CCDC146: variants seen among roughly 807,000 people sequenced by gnomAD.
CCDC146 encodes the protein coiled-coil domain containing 146.
In CCDC146, 92 loss-of-function variants were observed where a neutral mutation model predicts 119.3. That is an observed-to-expected ratio of 0.77 (90% confidence interval 0.65 to 0.92). The LOEUF (loss-of-function observed/expected upper bound fraction) is 0.92, where lower values mean the gene tolerates loss of function less well. CCDC146 is among the 40% of genes least tolerant of loss of function. The pLI is 0.00. For synonymous variants in CCDC146, 372 were observed against 371.8 expected (o/e 1.00, Z -0.01); for missense variants, 1,000 against 1,103.0 (o/e 0.91, Z 1.32).
intron 4 of CCDC146, among the ~76,000 whole-genome samples, chr7:77,254,035 C>A (rs1214171046): frequency 2.0e-5 from 3 of 152,132 alleles, no homozygotes; most frequent in African/African-American, 7.2e-5. Context: ...GGGAATTTAT[C>A]AAGCAGGGAA....
At chr7:77,171,959 G>A (rs1221914189) in intron 2 of CCDC146, among the ~76,000 whole-genome samples, 1 of 152,172 alleles carries the variant, frequency 6.6e-6, no homozygotes, top group Non-Finnish European at 1.5e-5. Context: ...ATACATGGAT[G>A]CATAATTTAT....
intron 3 of CCDC146, among the ~76,000 whole-genome samples, chr7:77,239,468 G>T (rs1459182880): frequency 6.6e-6 from 1 of 152,226 alleles, no homozygotes; most frequent in Non-Finnish European, 1.5e-5. Flanking sequence ...TTGAGCAAAT[G>T]ACATTATAAA....
At chr7:77,220,613 C>T (rs970819913) in intron 2 of CCDC146, among the ~76,000 whole-genome samples, 26 of 152,278 alleles carry the variant, frequency 1.7e-4, no homozygotes, top group African/African-American at 5.3e-4. Context: ...TGTTAGGGGT[C>T]CCTGACTTCC....
intron 2 of CCDC146, among the ~76,000 whole-genome samples, chr7:77,192,207 C>G (rs1273718313): frequency 1.3e-5 from 2 of 152,192 alleles, no homozygotes; most frequent in Non-Finnish European, 2.9e-5. Context: ...GCCACCAACA[C>G]CCAGCTGGGA....
At chr7:77,228,316 C>T (rs1747887935) in intron 2 of CCDC146, among the ~76,000 whole-genome samples, 1 of 152,162 alleles carries the variant, frequency 6.6e-6, no homozygotes, top group Non-Finnish European at 1.5e-5. Flanking sequence ...TCCTCCCTTC[C>T]ACCCTCTGAC....
At chr7:77,212,620 CAAA>C (rs11449217) in intron 2 of CCDC146, among the ~76,000 whole-genome samples, 3 of 80,950 alleles carry the variant, frequency 3.7e-5, no homozygotes, top group Non-Finnish European at 4.9e-5. Flanking sequence ...GACTCCGTCT[CAAA>C]AAAAAAAAAA....
intron 1 of CCDC146, among the ~76,000 whole-genome samples, chr7:77,161,615 C>A (rs1050814285): frequency 8.0e-6 from 1 of 124,818 alleles, no homozygotes; most frequent in Non-Finnish European, 1.6e-5. Flanking sequence ...GGAAGGGGAA[C>A]GTCACACTCT....
chr7:77,272,067 C>G (rs1173770005), intron 9 of CCDC146, among the ~76,000 whole-genome samples: 1 of 152,192 alleles, frequency 6.6e-6, no homozygotes, highest in Non-Finnish European at 1.5e-5. Context: ...GTTCCTCTAT[C>G]CAGGAGGTCT....
chr7:77,232,335 G>T (rs1792646682), intron 2 of CCDC146, among the ~76,000 whole-genome samples: 1 of 152,034 alleles, frequency 6.6e-6, no homozygotes, highest in African/African-American at 2.4e-5. Context: ...GTTGATCTTG[G>T]GTGGTCACAG....
intron 2 of CCDC146, among the ~76,000 whole-genome samples, chr7:77,178,282 G>A (rs1791530687): frequency 1.3e-5 from 2 of 152,224 alleles, no homozygotes; most frequent in East Asian, 1.9e-4. Flanking sequence ...GCTATGCTTA[G>A]TGGTAAGAGG....
At chr7:77,149,850 A>G (rs1388416097) in intron 1 of CCDC146, among the ~76,000 whole-genome samples, 1 of 152,042 alleles carries the variant, frequency 6.6e-6, no homozygotes, top group African/African-American at 2.4e-5. Flanking sequence ...ATATTTTACT[A>G]GTATAAGAAT....
At chr7:77,153,033 C>G (rs961369281) in intron 1 of CCDC146, among the ~76,000 whole-genome samples, 1 of 152,140 alleles carries the variant, frequency 6.6e-6, no homozygotes, top group Non-Finnish European at 1.5e-5. Flanking sequence ...GAGATTCAAG[C>G]CTAAATTGAT....
chr7:77,238,383 G>C (rs1197680159), intron 3 of CCDC146, among the ~76,000 whole-genome samples: 11 of 152,124 alleles, frequency 7.2e-5, no homozygotes, highest in Non-Finnish European at 1.6e-4. Context: ...CCTCTTTGCA[G>C]ATACAAGGAA....
chr7:77,212,573 A>T (rs566431914), intron 2 of CCDC146, among the ~76,000 whole-genome samples: 7 of 148,492 alleles, frequency 4.7e-5, no homozygotes, highest in African/African-American at 1.7e-4. Flanking sequence ...GTGAGCCGAG[A>T]TCACGCCACT....
chr7:77,173,275 A>AAT (rs1791452983), intron 2 of CCDC146, among the ~76,000 whole-genome samples: 2 of 152,118 alleles, frequency 1.3e-5, no homozygotes, highest in Non-Finnish European at 2.9e-5. Context: ...CTATGATCGC[A>AAT]ATAAGACCTA....
At chr7:77,146,918 G>C (rs1791029994) in intron 1 of CCDC146, among the ~76,000 whole-genome samples, 1 of 152,068 alleles carries the variant, frequency 6.6e-6, no homozygotes, top group Admixed American at 6.6e-5. Context: ...GAGTATCTTT[G>C]TGGCATTCTC....
intron 1 of CCDC146, among the ~76,000 whole-genome samples, chr7:77,141,010 G>C (rs1162794485): frequency 1.3e-5 from 2 of 151,946 alleles, no homozygotes; most frequent in Non-Finnish European, 2.9e-5. Context: ...ATGGTGGTTT[G>C]CTGAACCCAT....
chr7:77,201,480 G>A (rs1422589540), intron 2 of CCDC146, among the ~76,000 whole-genome samples: 1 of 151,888 alleles, frequency 6.6e-6, no homozygotes, highest in East Asian at 1.9e-4. Context: ...CTTGAACCCA[G>A]GAGGTGGAGG....
At chr7:77,227,734 T>G (rs1792541646) in intron 2 of CCDC146, among the ~76,000 whole-genome samples, 1 of 152,238 alleles carries the variant, frequency 6.6e-6, no homozygotes, top group African/African-American at 2.4e-5. Flanking sequence ...TAATTCTCTC[T>G]AAATTCTGCT....
Sources: allele counts gnomAD v4.1 joint callset (sites outside exome capture counted in the v4.1 genomes callset), GRCh38; gene constraint gnomAD v4.1.1; transcripts MANE v1.5; gene names NCBI Gene and HGNC (gene_info 2026-07-23, HGNC 2026-07-21).